The following RAB38 variants were observed in gnomAD, a reference collection of about 807,000 sequenced individuals.
RAB38 encodes the protein ras-related protein Rab-38.
In RAB38, 15 loss-of-function variants were observed where a neutral mutation model predicts 18.4. That is an observed-to-expected ratio of 0.82 (90% CI 0.55 to 1.26). The LOEUF (loss-of-function observed/expected upper bound fraction) is 1.26, where lower values mean the gene tolerates loss of function less well. Among genes scored for constraint, RAB38 ranks in the 50% most tolerant of loss-of-function variants. The probability of loss-of-function intolerance (pLI) is 0.00; values close to 1 mark genes in which losing one functional copy is unlikely to be tolerated. For synonymous variants in RAB38, 101 were observed against 104.4 expected, an observed-to-expected ratio of 0.97 and a Z score of 0.20; for missense variants, 294 against 267.4, an observed-to-expected ratio of 1.10 and a Z score of -0.69.
chr11:87,961,188 C>A, the RAB38 span, among the ~76,000 whole-genome samples: 5 of 152,100 alleles, frequency 3.3e-5, no homozygotes, highest in Non-Finnish European at 7.4e-5. Context: ...TGGGCTGAAG[C>A]AGTTGTGGAG....
the RAB38 span, among the ~76,000 whole-genome samples, chr11:88,014,228 T>C: frequency 6.6e-6 from 1 of 152,152 alleles, no homozygotes. Flanking sequence ...CAACTGCATG[T>C]TACGGATGAG....
chr11:88,052,217 C>T, the RAB38 span, among the ~76,000 whole-genome samples: 1 of 151,996 alleles, frequency 6.6e-6, no homozygotes, highest in African/African-American at 2.4e-5. Context: ...AGTCAGAAAA[C>T]TTTTAGATAG....
At chr11:88,165,111 A>G (rs1943231369) in intron 1 of RAB38, among the ~76,000 whole-genome samples, 1 of 152,146 alleles carries the variant, frequency 6.6e-6, no homozygotes, top group South Asian at 2.1e-4. Flanking sequence ...AAAAATTAAT[A>G]AATTACTATT....
the RAB38 span, among the ~76,000 whole-genome samples, chr11:87,813,794 CG>C: frequency 6.6e-6 from 1 of 152,078 alleles, no homozygotes; most frequent in Non-Finnish European, 1.5e-5. Flanking sequence ...TTGGGTTAAT[CG>C]TATGACGGTG....
chr11:88,150,044 G>T, intron 1 of RAB38, 89 bp from the exon 2 acceptor site: 1 of 1,351,432 alleles, frequency 7.4e-7, no homozygotes, highest in Non-Finnish European at 1.0e-6. Flanking sequence ...AGATGAGCAA[G>T]TCAATCAGTA....
chr11:88,011,640 G>A, the RAB38 span, among the ~76,000 whole-genome samples: 1 of 152,164 alleles, frequency 6.6e-6, no homozygotes, highest in African/African-American at 2.4e-5. Context: ...GGCTCATCTT[G>A]ATAGTAATAG....
chr11:88,025,752 C>T, the RAB38 span, among the ~76,000 whole-genome samples: 5 of 151,976 alleles, frequency 3.3e-5, no homozygotes, highest in Non-Finnish European at 7.4e-5. Flanking sequence ...ATTTAAATTC[C>T]TTATAGAGTC....
the RAB38 span, among the ~76,000 whole-genome samples, chr11:87,825,175 A>G: frequency 6.6e-6 from 1 of 152,294 alleles, no homozygotes; most frequent in Middle Eastern, 3.4e-3. Context: ...ATATAGTAAA[A>G]TAAAGGAATT....
At chr11:87,907,797 T>C in the RAB38 span, among the ~76,000 whole-genome samples, 2 of 151,870 alleles carry the variant, frequency 1.3e-5, no homozygotes, top group Non-Finnish European at 2.9e-5. Context: ...TAATATGTTT[T>C]CATTTTTCAC....
At chr11:88,114,608 G>T (rs1942523210) in intron 2 of RAB38, among the ~76,000 whole-genome samples, 1 of 152,210 alleles carries the variant, frequency 6.6e-6, no homozygotes, top group Non-Finnish European at 1.5e-5. Context: ...ATATTCTAGT[G>T]AAATGGGGAA....
the RAB38 span, among the ~76,000 whole-genome samples, chr11:87,819,634 T>C: frequency 1.7e-4 from 25 of 150,860 alleles, 3 homozygotes; most frequent in Admixed American, 1.3e-3. Context: ...TCTCAGTTAA[T>C]TGAATTACAA....
chr11:88,142,631 T>G (rs1313264615), intron 2 of RAB38, among the ~76,000 whole-genome samples: 1 of 152,268 alleles, frequency 6.6e-6, no homozygotes, highest in East Asian at 1.9e-4. Context: ...GATTCTAATT[T>G]GAGTTCTGAA....
At chr11:87,970,494 C>T in the RAB38 span, among the ~76,000 whole-genome samples, 4 of 151,948 alleles carry the variant, frequency 2.6e-5, no homozygotes, top group South Asian at 2.1e-4. Flanking sequence ...GTTTTGTGCC[C>T]GAGTGCCTCA....
chr11:88,147,297 CTGAATGAA>C (rs544471362), intron 2 of RAB38, among the ~76,000 whole-genome samples: 2 of 152,014 alleles, frequency 1.3e-5, no homozygotes, highest in Non-Finnish European at 2.9e-5. Context: ...TATTTATTGA[CTGAATGAA>C]TGAATGAATG....
the RAB38 span, among the ~76,000 whole-genome samples, chr11:87,853,875 T>A: frequency 6.6e-6 from 1 of 152,138 alleles, no homozygotes; most frequent in Admixed American, 6.6e-5. Flanking sequence ...AGGCTATATG[T>A]TTTTCTGGAG....
At chr11:87,905,845 C>T in the RAB38 span, among the ~76,000 whole-genome samples, 1 of 151,946 alleles carries the variant, frequency 6.6e-6, no homozygotes, top group Non-Finnish European at 1.5e-5. Flanking sequence ...TATTGATTCT[C>T]TTGTACTCTG....
the RAB38 span, among the ~76,000 whole-genome samples, chr11:88,038,240 A>C: frequency 1.2e-3 from 177 of 152,316 alleles, no homozygotes; most frequent in African/African-American, 4.0e-3. Flanking sequence ...AGTGAGCTCA[A>C]GGCAATTTAT....
the RAB38 span, among the ~76,000 whole-genome samples, chr11:88,074,340 T>C: frequency 6.6e-6 from 1 of 152,246 alleles, no homozygotes; most frequent in African/African-American, 2.4e-5. Flanking sequence ...TACAGCAGCT[T>C]GTTAAGTATA....
chr11:87,882,070 A>G, the RAB38 span, among the ~76,000 whole-genome samples: 284 of 151,964 alleles, frequency 1.9e-3, 6 homozygotes, highest in Admixed American at 0.016. Context: ...CGGTCCCCCA[A>G]ACTATCCCAG....
Sources: gnomAD v4.1 joint callset for allele counts (sites outside exome capture counted in the v4.1 genomes callset) on GRCh38, gnomAD v4.1.1 for gene constraint, MANE v1.5 for transcripts, NCBI Gene and HGNC (gene_info 2026-07-23, HGNC 2026-07-21) for gene names.